Variants in TMEM178B observed in about 807,000 individuals in gnomAD.
TMEM178B encodes the protein transmembrane protein 178B.
In TMEM178B, 5 loss-of-function variants were observed where a neutral mutation model predicts 31.0. The ratio of observed to expected loss-of-function variants is 0.16; its 90% CI spans 0.08 to 0.34. The LOEUF (loss-of-function observed/expected upper bound fraction) is 0.34, where lower values mean the gene tolerates loss of function less well. Among genes scored for constraint, TMEM178B ranks in the 10% least tolerant of loss-of-function variants. The probability of loss-of-function intolerance (pLI) is 1.00; values close to 1 mark genes in which losing one functional copy is unlikely to be tolerated. For synonymous variants in TMEM178B, 164 were observed against 164.0 expected, an observed-to-expected ratio of 1.00 and a Z score of 0.00; for missense variants, 275 against 400.3, an observed-to-expected ratio of 0.69 and a Z score of 2.67.
chr7:141,124,568 C>T (rs951625794), intron 1 of TMEM178B, among the ~76,000 whole-genome samples: 6 of 152,084 alleles, frequency 3.9e-5, no homozygotes, highest in South Asian at 4.1e-4. Context: ...GTCTTATTTT[C>T]GAGATCCCTT....
intron 2 of TMEM178B, among the ~76,000 whole-genome samples, chr7:141,377,159 G>GTATT (rs199852618): frequency 0.24 from 34,923 of 145,094 alleles, 4,470 homozygotes; most frequent in Middle Eastern, 0.29. Context: ...GGCTACTTCT[G>GTATT]TATTTATTTA....
chr7:141,396,504 G>T (rs1418320564), intron 2 of TMEM178B, among the ~76,000 whole-genome samples: 1 of 149,992 alleles, frequency 6.7e-6, no homozygotes, highest in East Asian at 1.9e-4. Context: ...ACGGGTCTGG[G>T]CCTCTCATAC....
rs545485516 is a variant in TMEM178B, at chr7:141,208,716, C to T, written c.383-3875C>T. On this transcript the variant is annotated intron_variant, in intron 1 of 3. Transcript: ENST00000565468. ...TTGCTGAATGTCAAGGGCCTCTTCC[C>T]TCTCTGGCTGGCTGGGCTGCGGTTG... 2.0e-3 allele frequency among the ~76,000 whole-genome samples: 306 copies of T among 152,274 alleles called. 2 individuals carry two copies. The highest frequency in any genetic ancestry group is 6.9e-3 in the African/African-American group (286 of 41,560).
chr7:141,099,998 G>A (rs911426273), intron 1 of TMEM178B, among the ~76,000 whole-genome samples: 15 of 151,824 alleles, frequency 9.9e-5, no homozygotes, highest in Non-Finnish European at 2.1e-4. Flanking sequence ...TTTTTGTATT[G>A]TTAGTAGAGA....
chr7:141,257,275 T>A (rs944547315), intron 2 of TMEM178B, among the ~76,000 whole-genome samples: 2 of 152,212 alleles, frequency 1.3e-5, no homozygotes, highest in African/African-American at 4.8e-5. Context: ...TTGTTGGTGA[T>A]CCTCTAATAA....
At chr7:141,311,396 A>G (rs919616351) in intron 2 of TMEM178B, among the ~76,000 whole-genome samples, 4 of 152,216 alleles carry the variant, frequency 2.6e-5, no homozygotes, top group Non-Finnish European at 4.4e-5. Flanking sequence ...ATATTTGATC[A>G]TCTATTTACA....
intron 2 of TMEM178B, among the ~76,000 whole-genome samples, chr7:141,286,859 A>G (rs1368299929): frequency 6.6e-6 from 1 of 152,212 alleles, no homozygotes; most frequent in African/African-American, 2.4e-5. Context: ...CAGTTCTGGG[A>G]CTTTTAATGA....
At chr7:141,103,984 A>T (rs1473277620) in intron 1 of TMEM178B, among the ~76,000 whole-genome samples, 1 of 152,174 alleles carries the variant, frequency 6.6e-6, no homozygotes, top group African/African-American at 2.4e-5. Flanking sequence ...GTCACTGGGT[A>T]TCATTTGAAA....
chr7:141,435,748 G>A (rs1048623778), intron 2 of TMEM178B, among the ~76,000 whole-genome samples: 1 of 152,236 alleles, frequency 6.6e-6, no homozygotes, highest in African/African-American at 2.4e-5. Context: ...AATATGAGCA[G>A]GGGGTGCAGT....
intron 2 of TMEM178B, among the ~76,000 whole-genome samples, chr7:141,353,863 G>A (rs1371403662): frequency 6.6e-6 from 1 of 152,176 alleles, no homozygotes; most frequent in Admixed American, 6.5e-5. Flanking sequence ...TTATACTAAT[G>A]GACAGGCAGC....
At chr7:141,159,174 C>T (rs1796125715) in intron 1 of TMEM178B, among the ~76,000 whole-genome samples, 1 of 152,024 alleles carries the variant, frequency 6.6e-6, no homozygotes, top group African/African-American at 2.4e-5. Context: ...CTCTTTCTTC[C>T]CTCTTCTCTT....
Position 141,077,874 on chromosome 7 carries a change from C to T in TMEM178B, c.382+3182C>T, listed in dbSNP as rs565561602. 1.8e-4 allele frequency among the ~76,000 whole-genome samples: 27 copies of T among 152,268 alleles called. 1 individual carries two copies. The highest frequency in any genetic ancestry group is 6.3e-4 in the African/African-American group (26 of 41,558). On this transcript the variant is annotated intron_variant, in intron 1 of 3. Coordinates refer to ENST00000565468, the MANE Select transcript of TMEM178B (RefSeq NM_001195278.2). ...AAATGCTACATAATCTATGAAGGGACGATTTCTTGAGCTTTGCCAAAGAAT... is the reference window on the plus strand; with the variant it reads ...AAATGCTACATAATCTATGAAGGGATGATTTCTTGAGCTTTGCCAAAGAAT...
At chr7:141,502,625 C>T in the TMEM178B span, among the ~76,000 whole-genome samples, 1 of 152,112 alleles carries the variant, frequency 6.6e-6, no homozygotes, top group Non-Finnish European at 1.5e-5. Context: ...AAAAAATTAG[C>T]TGGGCATGGT....
At chr7:141,330,432 A>T (rs1013843496) in intron 2 of TMEM178B, among the ~76,000 whole-genome samples, 1 of 152,146 alleles carries the variant, frequency 6.6e-6, no homozygotes, top group Non-Finnish European at 1.5e-5. Flanking sequence ...GGCTCCATCC[A>T]TGTTCCTGCA....
the TMEM178B span, among the ~76,000 whole-genome samples, chr7:141,503,500 A>T: frequency 6.6e-6 from 1 of 152,184 alleles, no homozygotes; most frequent in African/African-American, 2.4e-5. Flanking sequence ...AAATAAAGTC[A>T]ACTCAATGTA....
chr7:141,107,584 G>T (rs1383604525), intron 1 of TMEM178B, among the ~76,000 whole-genome samples: 1 of 152,188 alleles, frequency 6.6e-6, no homozygotes, highest in Non-Finnish European at 1.5e-5. Context: ...GTTTTGCGTG[G>T]CCAAGAATGG....
At chr7:141,368,036 G>A (rs1012180072) in intron 2 of TMEM178B, among the ~76,000 whole-genome samples, 1 of 152,112 alleles carries the variant, frequency 6.6e-6, no homozygotes, top group Non-Finnish European at 1.5e-5. Context: ...ATACAAAAAG[G>A]GGCCAGGCAC....
At chr7:141,462,438 G>T (rs530840249) in intron 3 of TMEM178B, among the ~76,000 whole-genome samples, 1 of 152,110 alleles carries the variant, frequency 6.6e-6, no homozygotes, top group East Asian at 1.9e-4. Context: ...CAAGTCAGAG[G>T]AGGGGAGGAT....
intron 2 of TMEM178B, among the ~76,000 whole-genome samples, chr7:141,405,214 C>T (rs745811726): frequency 1.3e-5 from 2 of 152,234 alleles, no homozygotes; most frequent in Admixed American, 6.5e-5. Context: ...TGCAGCTCCT[C>T]GGACAAACTG....
Sources: allele counts gnomAD v4.1 joint callset (sites outside exome capture counted in the v4.1 genomes callset), GRCh38; gene constraint gnomAD v4.1.1; transcripts MANE v1.5; gene names NCBI Gene and HGNC (gene_info 2026-07-23, HGNC 2026-07-21).